The following ARHGAP6 variants were observed in gnomAD, a reference collection of about 807,000 sequenced individuals.
ARHGAP6 encodes Rho GTPase activating protein 6.
Under a neutral mutation model 55.7 loss-of-function variants are expected in ARHGAP6, and 16 were observed. That is an observed-to-expected ratio of 0.29 (90% confidence interval 0.19 to 0.44). The LOEUF (loss-of-function observed/expected upper bound fraction) is 0.44. Among genes scored for constraint, ARHGAP6 ranks in the 20% least tolerant of loss-of-function variants. The probability of loss-of-function intolerance (pLI) is 1.00; values close to 1 mark genes in which losing one functional copy is unlikely to be tolerated. For synonymous variants in ARHGAP6, 382 were observed against 360.9 expected (o/e 1.06, Z -0.66); for missense variants, 698 against 808.9 (o/e 0.86, Z 1.66).
chrX:11,584,738 G>T (rs749129439), intron 1 of ARHGAP6, among the ~76,000 whole-genome samples: 1 of 112,460 alleles, frequency 8.9e-6, no homozygotes, highest in Non-Finnish European at 1.9e-5. Flanking sequence ...TAATTTTGCT[G>T]TCAGAACGTC....
chrX:11,283,436 T>C (rs932266748), intron 1 of ARHGAP6, among the ~76,000 whole-genome samples: 4 of 111,700 alleles, frequency 3.6e-5, no homozygotes, highest in African/African-American at 1.3e-4. Flanking sequence ...GACACAAATT[T>C]TGCTGGAGAA....
chrX:11,512,671 G>A (rs1052341357), intron 1 of ARHGAP6, among the ~76,000 whole-genome samples: 2 of 111,108 alleles, frequency 1.8e-5, no homozygotes, highest in Admixed American at 9.7e-5. Flanking sequence ...GAAAAACCCA[G>A]GAGAATCTGA....
chrX:11,549,861 C>T (rs1003535138), intron 1 of ARHGAP6, among the ~76,000 whole-genome samples: 7 of 112,401 alleles, frequency 6.2e-5, no homozygotes, highest in Non-Finnish European at 1.1e-4. Context: ...TTGTATTTTA[C>T]GAAGGTAAAG....
chrX:11,600,428 A>G (rs1003436467), intron 1 of ARHGAP6, among the ~76,000 whole-genome samples: 1 of 112,171 alleles, frequency 8.9e-6, no homozygotes, highest in Non-Finnish European at 1.9e-5. Flanking sequence ...AGTCTTTTAT[A>G]AAATTTAAAC....
In ARHGAP6 at chrX:11,415,772, G is replaced by A. The variant is rs750735975; in HGVS notation, c.589-161065C>T. Among the ~76,000 whole-genome samples the A allele has an allele frequency of 4.5e-5, 5 of 111,869 alleles. No individual in the cohort carries two copies. The South Asian group carries it at 1.9e-3, about 43-fold the overall frequency. On this transcript the variant is annotated intron_variant, in intron 1 of 12. Coordinates refer to ENST00000337414, the MANE Select transcript of ARHGAP6 (RefSeq NM_013427.3). ...CCTTTGTCATTGCTGAACTTCTTTGGGTAGATGCTGCCAGCCTGGGCCCCA... is the reference window on the plus strand; with the variant it reads ...CCTTTGTCATTGCTGAACTTCTTTGAGTAGATGCTGCCAGCCTGGGCCCCA...
chrX:11,415,643 C>T (rs1340644257), intron 1 of ARHGAP6, among the ~76,000 whole-genome samples: 1 of 112,050 alleles, frequency 8.9e-6, no homozygotes, highest in African/African-American at 3.2e-5. Context: ...TAGGCTTTTA[C>T]ATGTGACTTG....
chrX:11,396,795 A>G (rs1447079460), intron 1 of ARHGAP6, among the ~76,000 whole-genome samples: 1 of 111,881 alleles, frequency 8.9e-6, no homozygotes, highest in Non-Finnish European at 1.9e-5. Flanking sequence ...CAGAACCTAT[A>G]TGGACATTAT....
intron 1 of ARHGAP6, among the ~76,000 whole-genome samples, chrX:11,590,874 G>GAA: frequency 2.0e-5 from 1 of 49,885 alleles, no homozygotes; most frequent in South Asian, 8.5e-4. Context: ...AAGAAGGAAA[G>GAA]AAAGAAAGAA....
rs1313179330 is a variant in ARHGAP6 at position 11,468,789 on chromosome X, A to G, written c.588+195452T>C. Among the ~76,000 whole-genome samples, 5 of 112,520 alleles carry G rather than the reference A, an allele frequency of 4.4e-5. No homozygotes were observed. The East Asian group carries it at 1.4e-3, about 31-fold the overall frequency. Reference sequence around the variant, plus strand: ...AATGACAAAAAGGGAAAGCCACAAAAATGTAGTTATGTCAAGGTACTATGC... The same window carrying G: ...AATGACAAAAAGGGAAAGCCACAAAGATGTAGTTATGTCAAGGTACTATGC... On this transcript the variant is annotated intron_variant, in intron 1 of 12. Coordinates refer to ENST00000337414, the MANE Select transcript of ARHGAP6 (RefSeq NM_013427.3).
chrX:11,643,319 A>C (rs1225912046), intron 1 of ARHGAP6, among the ~76,000 whole-genome samples: 5 of 112,265 alleles, frequency 4.5e-5, no homozygotes, highest in Non-Finnish European at 1.9e-5. Flanking sequence ...TGCCAAAAAA[A>C]TTCTGGACAA....
intron 1 of ARHGAP6, among the ~76,000 whole-genome samples, chrX:11,465,928 CTCCTCCTCCTCCTCT>C (rs1015879509): frequency 1.3e-4 from 13 of 103,901 alleles, no homozygotes; most frequent in Middle Eastern, 0.01. Flanking sequence ...AGTATGTCTC[CTCCTCCTCCTCCTCT>C]TCCTCCTCCT....
intron 1 of ARHGAP6, among the ~76,000 whole-genome samples, chrX:11,374,889 C>T (rs2049183466): frequency 9.0e-6 from 1 of 111,533 alleles, no homozygotes; most frequent in Admixed American, 9.6e-5. Flanking sequence ...CCCTACCATC[C>T]TACTGACTCC....
At chrX:11,482,744 G>A (rs960334746) in intron 1 of ARHGAP6, among the ~76,000 whole-genome samples, 14 of 109,152 alleles carry the variant, frequency 1.3e-4, no homozygotes, top group African/African-American at 4.2e-4. Flanking sequence ...CTCCTGGTTA[G>A]AGAACTACCC....
chrX:11,482,409 C>T (rs755978208), intron 1 of ARHGAP6, among the ~76,000 whole-genome samples: 6 of 111,967 alleles, frequency 5.4e-5, no homozygotes, highest in African/African-American at 1.3e-4. Flanking sequence ...CCCGTTCTCA[C>T]GTAAGACCTC....
At chrX:11,630,080 G>A (rs2052344166) in intron 1 of ARHGAP6, among the ~76,000 whole-genome samples, 2 of 110,747 alleles carry the variant, frequency 1.8e-5, no homozygotes. Flanking sequence ...AGTTTCTGTT[G>A]TCTCAAAGTG....
intron 1 of ARHGAP6, among the ~76,000 whole-genome samples, chrX:11,341,559 A>G (rs924402467): frequency 1.3e-4 from 14 of 111,998 alleles, no homozygotes; most frequent in Non-Finnish European, 5.6e-5. Context: ...CTGTGGGTTG[A>G]TTTCATAATA....
intron 1 of ARHGAP6, among the ~76,000 whole-genome samples, chrX:11,611,357 C>T (rs1297912281): frequency 3.6e-5 from 4 of 111,752 alleles, no homozygotes; most frequent in Admixed American, 9.5e-5. Context: ...TTAAGAAAAA[C>T]GGCAAGAAGC....
rs780810444 is a variant in ARHGAP6, at chrX:11,484,576, GAGA to G, written c.588+179662_588+179664del. ...GAAAAAGAGGAAAAAGAGGAGAAAG[GAGA>G]AGAAGAAAAGGAAAAGAAAGAAGAG... On this transcript the variant is annotated intron_variant, in intron 1 of 12. Transcript: ENST00000337414. 3.7e-3 allele frequency among the ~76,000 whole-genome samples: 400 copies of G among 106,882 alleles called. 4 individuals are homozygous for G. The highest frequency in any genetic ancestry group is 0.013 in the African/African-American group (374 of 29,267). 92.8% of individuals were successfully genotyped at this position (106,882 alleles called of 115,157 possible).
At chrX:11,321,485 A>C (rs1297658018) in intron 1 of ARHGAP6, among the ~76,000 whole-genome samples, 1 of 112,083 alleles carries the variant, frequency 8.9e-6, no homozygotes, top group Non-Finnish European at 1.9e-5. Flanking sequence ...GTAACTTCTC[A>C]ATAAAATGAA....
Sources: allele counts gnomAD v4.1 joint callset (sites outside exome capture counted in the v4.1 genomes callset), GRCh38; gene constraint gnomAD v4.1.1; transcripts MANE v1.5; gene names NCBI Gene and HGNC (gene_info 2026-07-23, HGNC 2026-07-21).